Variants in BBS9 observed in about 807,000 individuals in gnomAD.
BBS9 encodes the protein Bardet-Biedl syndrome 9.
A neutral mutation model predicts 117.7 loss-of-function variants in BBS9; 89 were observed. The ratio of observed to expected loss-of-function variants is 0.76; its 90% confidence interval spans 0.64 to 0.90. The LOEUF is 0.90. Ranked by LOEUF, BBS9 falls within the 40% of genes least tolerant of loss-of-function variation. The probability of loss-of-function intolerance (pLI) is 0.00; values close to 1 mark genes in which losing one functional copy is unlikely to be tolerated. For missense variants in BBS9, 982 were observed against 1,042.2 expected (o/e 0.94, Z 0.80); for synonymous variants, 379 against 370.9 (o/e 1.02, Z -0.25).
At chr7:33,354,862 T>C (rs1238871073) in intron 15 of BBS9, among the ~76,000 whole-genome samples, 1 of 152,072 alleles carries the variant, frequency 6.6e-6, no homozygotes, top group East Asian at 1.9e-4. Flanking sequence ...GTTACGACTA[T>C]CCATTTCCTC....
chr7:33,567,365 G>A (rs930715364), intron 21 of BBS9, among the ~76,000 whole-genome samples: 7 of 152,072 alleles, frequency 4.6e-5, no homozygotes, highest in African/African-American at 1.7e-4. Context: ...CTCCTACTTT[G>A]AAACATACTT....
intron 21 of BBS9, among the ~76,000 whole-genome samples, chr7:33,575,364 G>A (rs1431409177): frequency 6.6e-6 from 1 of 152,126 alleles, no homozygotes; most frequent in Non-Finnish European, 1.5e-5. Flanking sequence ...CCAGGAAGAA[G>A]TTGAATCTCT....
chr7:33,379,365 A>T (rs1477419803), intron 17 of BBS9, among the ~76,000 whole-genome samples: 1 of 152,184 alleles, frequency 6.6e-6, no homozygotes, highest in Non-Finnish European at 1.5e-5. Context: ...TTTTCACTGA[A>T]AATTTATAGT....
chr7:33,196,990 A>T (rs1054386956), intron 5 of BBS9, among the ~76,000 whole-genome samples: 5 of 152,166 alleles, frequency 3.3e-5, no homozygotes, highest in Admixed American at 2.6e-4. Context: ...TTTTTCTAAA[A>T]GGTGAGTTCT....
intron 20 of BBS9, among the ~76,000 whole-genome samples, chr7:33,531,252 G>A (rs1313626682): frequency 1.3e-5 from 2 of 152,134 alleles, no homozygotes; most frequent in African/African-American, 4.8e-5. Context: ...TCTCAATAGA[G>A]AGAGGGAGAC....
downstream of BBS9, among the ~76,000 whole-genome samples, chr7:33,607,226 G>A (rs1864625999): frequency 6.6e-6 from 1 of 152,090 alleles, no homozygotes; most frequent in Non-Finnish European, 1.5e-5. Flanking sequence ...AAGTCATAGA[G>A]AAATGGAGAA....
chr7:33,286,957 G>A (rs983060935), intron 9 of BBS9, among the ~76,000 whole-genome samples: 1 of 151,846 alleles, frequency 6.6e-6, no homozygotes, highest in Non-Finnish European at 1.5e-5. Flanking sequence ...GATTTTTTTT[G>A]ATAACATAAG....
intron 5 of BBS9, among the ~76,000 whole-genome samples, chr7:33,255,347 C>CTT (rs34214619): frequency 0.29 from 38,587 of 133,848 alleles, 5,864 homozygotes; most frequent in Middle Eastern, 0.32. Flanking sequence ...AGATAAGGAT[C>CTT]TTTTTTTTTT....
chr7:33,598,550 G>A (rs1483208444), intron 21 of BBS9, among the ~76,000 whole-genome samples: 1 of 152,164 alleles, frequency 6.6e-6, no homozygotes, highest in Non-Finnish European at 1.5e-5. Flanking sequence ...TGTAACACAT[G>A]TACCACACTA....
At chr7:33,417,864 A>G (rs192117108) in intron 19 of BBS9, among the ~76,000 whole-genome samples, 6 of 152,328 alleles carry the variant, frequency 3.9e-5, no homozygotes, top group Non-Finnish European at 8.8e-5. Flanking sequence ...GATAGAAACA[A>G]CAAAGGTTTC....
chr7:33,146,230 T>G lies in BBS9; in HGVS notation c.-11-12T>G. The stretch of plus-strand genomic sequence containing the variant: ...AGTGTGAAGTAGATTATTATAAATG[T>G]TTTCTTTTTAGTGTGAAAGAAAATG... On this transcript the variant is annotated splice_polypyrimidine_tract_variant and intron_variant, in intron 1 of 22. Coordinates refer to ENST00000242067, the MANE Select transcript of BBS9 (RefSeq NM_198428.3). 6.5e-7 allele frequency: 1 copy of G among 1,547,464 alleles called. No homozygotes were observed. Among genetic ancestry groups the G allele is most frequent in the African/African-American group, 1.4e-5 (1 of 73,632 alleles).
intron 20 of BBS9, among the ~76,000 whole-genome samples, chr7:33,532,835 A>G (rs1020675307): frequency 1.3e-5 from 2 of 152,164 alleles, no homozygotes; most frequent in Non-Finnish European, 2.9e-5. Context: ...TCTTACTTCT[A>G]ATATAAGGGA....
At chr7:33,445,085 CA>C (rs779512185) in intron 19 of BBS9, among the ~76,000 whole-genome samples, 5 of 152,054 alleles carry the variant, frequency 3.3e-5, no homozygotes, top group Non-Finnish European at 7.4e-5. Flanking sequence ...AGAAGAGGAA[CA>C]AGGCTGTACA....
chr7:33,292,390 G>C (rs1376101954), intron 9 of BBS9, among the ~76,000 whole-genome samples: 1 of 151,966 alleles, frequency 6.6e-6, no homozygotes, highest in Non-Finnish European at 1.5e-5. Context: ...ACCACACCTG[G>C]CTACTTTTGA....
intron 11 of BBS9, among the ~76,000 whole-genome samples, chr7:33,341,765 G>A (rs1816615479): frequency 6.6e-6 from 1 of 152,040 alleles, no homozygotes; most frequent in South Asian, 2.1e-4. Flanking sequence ...CTATGAATAA[G>A]TGAATTAATA....
chr7:33,457,060 C>A (rs575534762), intron 19 of BBS9, among the ~76,000 whole-genome samples: 1 of 152,160 alleles, frequency 6.6e-6, no homozygotes. Flanking sequence ...GGGGGCCATA[C>A]GTGTACGTCA....
At chr7:33,316,255 A>G (rs1210674793) in intron 9 of BBS9, among the ~76,000 whole-genome samples, 1 of 152,158 alleles carries the variant, frequency 6.6e-6, no homozygotes, top group African/African-American at 2.4e-5. Flanking sequence ...TCAACGTACT[A>G]TTTTTTAACA....
chr7:33,207,720 A>G (rs1456858265), intron 5 of BBS9, among the ~76,000 whole-genome samples: 1 of 152,140 alleles, frequency 6.6e-6, no homozygotes, highest in African/African-American at 2.4e-5. Context: ...GCTAGAAAAT[A>G]TGTGCATGTA....
rs1788406175 is a variant in BBS9 at position 33,213,402 on chromosome 7, G to A, written c.442+35811G>A. 2.0e-5 allele frequency among the ~76,000 whole-genome samples: 3 copies of A among 152,288 alleles called. No individual in the cohort carries two copies. The South Asian group carries it at 6.2e-4, about 32-fold the overall frequency. ...GCAGTGGGCTCCCATCTGGCCCAGG[G>A]CAGGTCCAGAAATAGTGTCCAAGAG... On this transcript the variant is annotated intron_variant, in intron 5 of 22. Coordinates refer to ENST00000242067, the MANE Select transcript of BBS9 (RefSeq NM_198428.3).
Sources: gnomAD v4.1 joint callset for allele counts (sites outside exome capture counted in the v4.1 genomes callset) on GRCh38, gnomAD v4.1.1 for gene constraint, MANE v1.5 for transcripts, NCBI Gene and HGNC (gene_info 2026-07-23, HGNC 2026-07-21) for gene names.